The following CSTPP1 variants were observed in gnomAD, a reference collection of about 807,000 sequenced individuals.
CSTPP1 encodes the protein UPF0705 protein C11orf49.
the CSTPP1 span, among the ~76,000 whole-genome samples, chr11:47,091,669 A>T: frequency 6.6e-6 from 1 of 152,192 alleles, no homozygotes; most frequent in African/African-American, 2.4e-5. Flanking sequence ...ATCCAGGATT[A>T]TCCAGGTGAA....
the CSTPP1 span, among the ~76,000 whole-genome samples, chr11:47,152,048 G>A: frequency 2.6e-5 from 4 of 152,002 alleles, no homozygotes; most frequent in Non-Finnish European, 5.9e-5. Flanking sequence ...TCAAGAGTTC[G>A]AGACCAGCCT....
chr11:46,952,207 G>A, the CSTPP1 span, among the ~76,000 whole-genome samples: 3 of 152,210 alleles, frequency 2.0e-5, no homozygotes, highest in Non-Finnish European at 4.4e-5. Context: ...TTGGATTTCA[G>A]CTAGCAGAGC....
chr11:47,116,687 T>TG, the CSTPP1 span, among the ~76,000 whole-genome samples: 4 of 141,372 alleles, frequency 2.8e-5, no homozygotes, highest in Non-Finnish European at 6.2e-5. Context: ...TTTTTTTTTT[T>TG]TTTTTTTTTT....
chr11:47,014,642 T>C, the CSTPP1 span, among the ~76,000 whole-genome samples: 1 of 150,874 alleles, frequency 6.6e-6, no homozygotes, highest in Non-Finnish European at 1.5e-5. Context: ...GAGGCAGAGG[T>C]TGTGGTGAGC....
At chr11:46,978,012 C>A in the CSTPP1 span, among the ~76,000 whole-genome samples, 1 of 152,186 alleles carries the variant, frequency 6.6e-6, no homozygotes, top group East Asian at 1.9e-4. Context: ...ACCTGGGAGG[C>A]ACAGTCCTAA....
the CSTPP1 span, among the ~76,000 whole-genome samples, chr11:46,973,916 C>T: frequency 1.3e-3 from 204 of 152,218 alleles, 1 homozygote; most frequent in Admixed American, 4.6e-3. Context: ...ATGGCTTCTT[C>T]TTCCTTAGAA....
the CSTPP1 span, among the ~76,000 whole-genome samples, chr11:47,048,926 G>A: frequency 9.2e-5 from 14 of 152,084 alleles, no homozygotes; most frequent in African/African-American, 3.4e-4. Flanking sequence ...TGAGAAGACT[G>A]CACATAAGTT....
chr11:47,034,720 A>G, the CSTPP1 span, among the ~76,000 whole-genome samples: 1 of 151,994 alleles, frequency 6.6e-6, no homozygotes, highest in African/African-American at 2.4e-5. Flanking sequence ...GCTGGTTTCA[A>G]ACTCCTGGGC....
chr11:46,954,798 C>T, the CSTPP1 span, among the ~76,000 whole-genome samples: 304 of 148,222 alleles, frequency 2.1e-3, 1 homozygote, highest in Middle Eastern at 7.1e-3. Flanking sequence ...AGGCCATTTT[C>T]TTTCTTTTTT....
the CSTPP1 span, among the ~76,000 whole-genome samples, chr11:47,110,717 G>A: frequency 3.3e-4 from 50 of 152,072 alleles, no homozygotes; most frequent in Admixed American, 5.9e-4. Context: ...TTAAAGCCCA[G>A]CCTGGGTATC....
the CSTPP1 span, among the ~76,000 whole-genome samples, chr11:47,097,051 G>T: frequency 6.8e-6 from 1 of 147,880 alleles, no homozygotes; most frequent in Non-Finnish European, 1.5e-5. Context: ...GGAGGGAGAT[G>T]GGGGGTCAGC....
At chr11:46,992,926 C>T in the CSTPP1 span, among the ~76,000 whole-genome samples, 45 of 152,090 alleles carry the variant, frequency 3.0e-4, no homozygotes, top group African/African-American at 1.1e-3. Context: ...TAATGATCAC[C>T]ATTCTAACTG....
At chr11:47,033,153 G>A in the CSTPP1 span, among the ~76,000 whole-genome samples, 2 of 152,160 alleles carry the variant, frequency 1.3e-5, no homozygotes, top group Non-Finnish European at 2.9e-5. Flanking sequence ...GCGTGGCAGG[G>A]AAGAAGAGGT....
chr11:47,162,250 G>GGTGA, the CSTPP1 span: 1 of 985,538 alleles, frequency 1.0e-6, no homozygotes, highest in Non-Finnish European at 1.2e-6. Context: ...TCTGGTAACT[G>GGTGA]GTGAGTCTAA....
the CSTPP1 span, among the ~76,000 whole-genome samples, chr11:46,974,454 G>C: frequency 1.3e-5 from 2 of 151,520 alleles, no homozygotes; most frequent in African/African-American, 4.9e-5. Flanking sequence ...CTTGAATCTG[G>C]GAGCAGAGGT....
chr11:47,067,334 T>C, the CSTPP1 span, among the ~76,000 whole-genome samples: 3 of 152,116 alleles, frequency 2.0e-5, no homozygotes, highest in Non-Finnish European at 2.9e-5. Context: ...TATAACATCA[T>C]ATATAAGTTG....
the CSTPP1 span, among the ~76,000 whole-genome samples, chr11:46,957,251 TC>T: frequency 6.6e-6 from 1 of 152,206 alleles, no homozygotes; most frequent in Non-Finnish European, 1.5e-5. Context: ...ACTTCATTCT[TC>T]ATCCTTACAT....
the CSTPP1 span, chr11:47,157,856 C>G: frequency 6.2e-7 from 1 of 1,614,160 alleles, no homozygotes; most frequent in South Asian, 1.1e-5. Context: ...CAGCAATGTT[C>G]AGAGACTGAC....
chr11:47,093,669 C>T, the CSTPP1 span, among the ~76,000 whole-genome samples: 1 of 152,084 alleles, frequency 6.6e-6, no homozygotes, highest in Non-Finnish European at 1.5e-5. Context: ...TTTTTTGCTG[C>T]TTGGTCTTGG....
Sources: allele counts gnomAD v4.1 joint callset (sites outside exome capture counted in the v4.1 genomes callset), GRCh38; gene constraint gnomAD v4.1.1; transcripts MANE v1.5; gene names NCBI Gene and HGNC (gene_info 2026-07-23, HGNC 2026-07-21).